RPGRIP1L: variants seen among roughly 807,000 people sequenced by gnomAD.
The protein encoded by RPGRIP1L is protein fantom.
Under a neutral mutation model 160.4 loss-of-function variants are expected in RPGRIP1L, and 131 were observed. The ratio of observed to expected loss-of-function variants is 0.82; its 90% CI spans 0.71 to 0.94. The LOEUF is 0.94. Among genes scored for constraint, RPGRIP1L ranks in the 40% least tolerant of loss-of-function variants. The probability of loss-of-function intolerance (pLI) is 0.00; values close to 1 mark genes in which losing one functional copy is unlikely to be tolerated. For missense variants in RPGRIP1L, 1,522 were observed against 1,535.8 expected, an observed-to-expected ratio of 0.99 and a Z score of 0.15; for synonymous variants, 510 against 515.8, an observed-to-expected ratio of 0.99 and a Z score of 0.15.
intron 22 of RPGRIP1L, among the ~76,000 whole-genome samples, chr16:53,630,693 G>A (rs979498367): frequency 6.6e-6 from 1 of 152,094 alleles, no homozygotes; most frequent in Admixed American, 6.6e-5. Flanking sequence ...TCTACTAGGA[G>A]AGTATGTCAA....
chr16:53,602,229 A>G (rs889817475), intron 26 of RPGRIP1L, 41 bp from the exon 27 acceptor site: 6 of 1,392,672 alleles, frequency 4.3e-6, no homozygotes, highest in Non-Finnish European at 6.1e-6. Context: ...ATCATTCAAC[A>G]GATTTTTCTT....
At chr16:53,691,885 T>G (rs1029727163) in intron 4 of RPGRIP1L, among the ~76,000 whole-genome samples, 181 bp downstream of exon 4, 1 of 152,240 alleles carries the variant, frequency 6.6e-6, no homozygotes, top group African/African-American at 2.4e-5. Flanking sequence ...AATTTGAGAC[T>G]GATCTAGTGA....
intron 22 of RPGRIP1L, among the ~76,000 whole-genome samples, chr16:53,630,135 C>T (rs1307617507): frequency 1.3e-5 from 2 of 152,110 alleles, no homozygotes; most frequent in African/African-American, 4.8e-5. Flanking sequence ...GCCCTGAACT[C>T]CTGGGCTCAA....
rs550771735 is a variant in RPGRIP1L at position 53,674,023 on chromosome 16, T to C, written c.882+994A>G. Among the ~76,000 whole-genome samples, 3 of 152,300 alleles carry C rather than the reference T, an allele frequency of 2.0e-5. No individual in the cohort carries two copies. In the South Asian group the frequency reaches 6.2e-4, roughly 32 times the overall value. ...TAATTCTTAATCTTAGAAATGGCTT[T>C]CAACTACAGGGATTTTTAAAATTTC... On this transcript the variant is annotated intron_variant, in intron 7 of 26. Transcript: ENST00000647211.
intron 23 of RPGRIP1L, among the ~76,000 whole-genome samples, chr16:53,621,044 A>G (rs1247559263): frequency 1.3e-5 from 2 of 152,216 alleles, no homozygotes; most frequent in Non-Finnish European, 2.9e-5. Flanking sequence ...AGTGCTATAC[A>G]TACTTATTTC....
At chr16:53,687,998 A>T (rs1970140066) in intron 4 of RPGRIP1L, 33 bp from the exon 5 acceptor site, 2 of 1,260,190 alleles carry the variant, frequency 1.6e-6, no homozygotes, top group Non-Finnish European at 2.3e-6. Context: ...TGATTACAGA[A>T]TTGAAGTTAG....
intron 22 of RPGRIP1L, among the ~76,000 whole-genome samples, chr16:53,624,942 T>G (rs1234004446): frequency 6.6e-6 from 1 of 152,032 alleles, no homozygotes; most frequent in African/African-American, 2.4e-5. Flanking sequence ...GTTTTTGTAT[T>G]TTTGGTGGAG....
rs1479026011 is a variant in RPGRIP1L, at chr16:53,658,468, C to A, written c.1351-4G>T. 5 of 1,602,748 alleles carry A rather than the reference C, an allele frequency of 3.1e-6. No homozygotes were observed. Among genetic ancestry groups the A allele is most frequent in the East Asian group, 2.2e-5 (1 of 44,682 alleles). ...CATCAGCATTAATATCATTCTCCTGCAATAGATTAAGTAAAAGCTCACAAT... is the reference window on the plus strand; with the variant it reads ...CATCAGCATTAATATCATTCTCCTGAAATAGATTAAGTAAAAGCTCACAAT... On this transcript the variant is annotated splice_polypyrimidine_tract_variant and splice_region_variant and intron_variant, in intron 11 of 26. Transcript: ENST00000647211.
At position 53,642,186 on chromosome 16, in the gene RPGRIP1L, A is replaced by AT. The variant is rs201242475; in HGVS notation, c.2684-712dup. ...TTAAACAAAATCTATATATCTTTTT[A>AT]TTTTTTTTTTTAAATAGACAGGTTC... is the stretch of plus-strand genomic sequence containing the variant. On this transcript the variant is annotated intron_variant, in intron 17 of 26. Coordinates refer to ENST00000647211, the MANE Select transcript of RPGRIP1L (RefSeq NM_015272.5). Among the ~76,000 whole-genome samples, 80 of 148,316 alleles carry AT rather than the reference A, an allele frequency of 5.4e-4. 1 individual carries two copies. The highest frequency in any genetic ancestry group is 1.4e-3 in the African/African-American group (58 of 40,590).
Position 53,655,798 on chromosome 16 carries a change from A to C in RPGRIP1L, c.1699+674T>G, listed in dbSNP as rs181653619. On this transcript the variant is annotated intron_variant, in intron 14 of 26. Coordinates refer to ENST00000647211, the MANE Select transcript of RPGRIP1L (RefSeq NM_015272.5). Reference sequence around the variant, plus strand: ...CTCAAGTGATTTTCCTACTTGCTAAAGTCTAAAAATCACTGTAAGGACATT... The same window carrying C: ...CTCAAGTGATTTTCCTACTTGCTAACGTCTAAAAATCACTGTAAGGACATT... Among the ~76,000 whole-genome samples, 4 of 152,332 alleles carry C rather than the reference A, an allele frequency of 2.6e-5. No homozygotes were observed. The East Asian group carries it at 7.7e-4, about 29-fold the overall frequency.
intron 6 of RPGRIP1L, among the ~76,000 whole-genome samples, chr16:53,685,888 A>C (rs1057460044): frequency 1.3e-5 from 2 of 152,168 alleles, no homozygotes; most frequent in African/African-American, 2.4e-5. Flanking sequence ...TATAACAAAA[A>C]AAGTTTTTTA....
intron 19 of RPGRIP1L, among the ~76,000 whole-genome samples, chr16:53,639,314 A>C (rs1966054928): frequency 1.3e-5 from 2 of 151,968 alleles, no homozygotes; most frequent in African/African-American, 4.8e-5. Context: ...TTTAAAACTA[A>C]TTTTTGATGG....
At chr16:53,634,538 C>A (rs535722127) in intron 22 of RPGRIP1L, among the ~76,000 whole-genome samples, 37 of 152,256 alleles carry the variant, frequency 2.4e-4, no homozygotes, top group African/African-American at 8.7e-4. Flanking sequence ...GAGGTGGAGT[C>A]TATTGGGAGG....
At chr16:53,604,381 A>G (rs1316022340) in intron 26 of RPGRIP1L, among the ~76,000 whole-genome samples, 1 of 152,242 alleles carries the variant, frequency 6.6e-6, no homozygotes, top group African/African-American at 2.4e-5. Context: ...GCACAAGTGA[A>G]TATGTAAACA....
Position 53,600,069 on chromosome 16 carries a change from G to A in RPGRIP1L, c.*2007C>T, listed in dbSNP as rs945269340. On this transcript the variant is annotated 3_prime_UTR_variant, in exon 27 of 27. Coordinates refer to ENST00000647211, the MANE Select transcript of RPGRIP1L (RefSeq NM_015272.5). ...CACTTAATGATCCTAAGAAGTCAGT[G>A]CAATCTGGTTCTTCTCCCTGCAGAA... is the stretch of plus-strand genomic sequence containing the variant. 6 of 152,422 alleles carry A rather than the reference G, an allele frequency of 3.9e-5. No individual in the cohort carries two copies. The highest frequency in any genetic ancestry group is 1.4e-4 in the African/African-American group (6 of 41,432). 9.4% of individuals were successfully genotyped at this position (152,422 alleles called of 1,614,324 possible).
chr16:53,648,626 G>GCGCGCGCA (rs1555602385), intron 16 of RPGRIP1L, among the ~76,000 whole-genome samples: 33 of 144,088 alleles, frequency 2.3e-4, no homozygotes, highest in East Asian at 4.2e-4. Flanking sequence ...GCGCGCGCGC[G>GCGCGCGCA]CACACACACA....
chr16:53,655,488 C>A (rs776661420), intron 14 of RPGRIP1L: 1 of 152,152 alleles, frequency 6.6e-6, no homozygotes, highest in African/African-American at 2.4e-5. Flanking sequence ...TGGACGTGGA[C>A]GTGAAAGAGA....
At chr16:53,683,260 G>A (rs1243449958) in intron 6 of RPGRIP1L, among the ~76,000 whole-genome samples, 1 of 151,680 alleles carries the variant, frequency 6.6e-6, no homozygotes, top group Non-Finnish European at 1.5e-5. Context: ...CAAACTTGTT[G>A]GAAAGGAGAA....
At chr16:53,613,052 C>T (rs1964153368) in intron 24 of RPGRIP1L, among the ~76,000 whole-genome samples, 1 of 152,152 alleles carries the variant, frequency 6.6e-6, no homozygotes, top group Non-Finnish European at 1.5e-5. Context: ...TTGGTGTTCT[C>T]AAGATTCATA....
Sources: allele counts gnomAD v4.1 joint callset (sites outside exome capture counted in the v4.1 genomes callset), GRCh38; gene constraint gnomAD v4.1.1; transcripts MANE v1.5; gene names NCBI Gene and HGNC (gene_info 2026-07-23, HGNC 2026-07-21).